SLC38A11: variants seen among roughly 807,000 people sequenced by gnomAD.
SLC38A11 encodes solute carrier family 38 member 11.
Under a neutral mutation model 49.4 loss-of-function variants are expected in SLC38A11, and 51 were observed. The observed-to-expected ratio is 1.03, with a 90% confidence interval of 0.83 to 1.30. The LOEUF (loss-of-function observed/expected upper bound fraction) is 1.30, where lower values mean the gene tolerates loss of function less well. SLC38A11 is among the 50% of genes most tolerant of loss of function. The pLI, the probability that SLC38A11 is intolerant of heterozygous loss-of-function variation, is 0.00. For missense variants in SLC38A11, 574 were observed against 556.2 expected (o/e 1.03, Z -0.32); for synonymous variants, 203 against 192.9 (o/e 1.05, Z -0.43).
chr2:164,902,242 A>G (rs1488767590), intron 11 of SLC38A11, among the ~76,000 whole-genome samples: 2 of 151,924 alleles, frequency 1.3e-5, no homozygotes, highest in Non-Finnish European at 2.9e-5. Context: ...GCTGGTCTCA[A>G]ACTCCTGAGC....
intron 11 of SLC38A11, among the ~76,000 whole-genome samples, chr2:164,900,036 A>T (rs1312916752): frequency 6.6e-6 from 1 of 152,114 alleles, no homozygotes; most frequent in Non-Finnish European, 1.5e-5. Context: ...TCCATATATA[A>T]GAGAGATCAT....
chr2:164,912,709 G>A (rs1310801881), intron 9 of SLC38A11, among the ~76,000 whole-genome samples: 3 of 151,912 alleles, frequency 2.0e-5, no homozygotes, highest in Non-Finnish European at 2.9e-5. Flanking sequence ...CTATGTCCCA[G>A]AAAGAACATT....
intron 2 of SLC38A11, chr2:164,953,165 G>C: frequency 5.2e-6 from 1 of 192,730 alleles, no homozygotes; most frequent in Non-Finnish European, 1.0e-5. Flanking sequence ...AAGCAGAGAG[G>C]ATAATAAGGA....
At chr2:164,942,070 A>C (rs1213726100) in intron 5 of SLC38A11, among the ~76,000 whole-genome samples, 1 of 152,192 alleles carries the variant, frequency 6.6e-6, no homozygotes, top group Non-Finnish European at 1.5e-5. Context: ...TGTGTTTTCT[A>C]ATATTTTTCA....
chr2:164,895,295 G>A lies in SLC38A11; in HGVS notation c.*3142C>T, dbSNP rs991114038. Among the ~76,000 whole-genome samples the A allele has an allele frequency of 9.9e-5, 15 of 152,090 alleles. No homozygotes were observed. Among genetic ancestry groups the A allele is most frequent in the African/African-American group, 2.7e-4 (11 of 41,418 alleles). ...AGAATAAGCATACATTCTTAAAAGCGCTTATTCTATTGAGGTAGCAAATTA... is the reference window on the plus strand; with the variant it reads ...AGAATAAGCATACATTCTTAAAAGCACTTATTCTATTGAGGTAGCAAATTA... On this transcript the variant is annotated 3_prime_UTR_variant, in exon 12 of 12. Transcript: ENST00000685975.
chr2:164,905,374 C>T (rs1256563048), intron 11 of SLC38A11, among the ~76,000 whole-genome samples: 4 of 152,166 alleles, frequency 2.6e-5, no homozygotes, highest in Admixed American at 1.3e-4. Flanking sequence ...TCAGGTGATC[C>T]GCCTGCTTTG....
In SLC38A11 at chr2:164,935,777, T is replaced by C. The variant is rs555320795; in HGVS notation, c.617+1573A>G. Among the ~76,000 whole-genome samples, 11 of 152,298 alleles carry C rather than the reference T, an allele frequency of 7.2e-5. No individual in the cohort carries two copies. In the East Asian group the frequency reaches 2.1e-3, roughly 29 times the overall value. ...TATATGTTGAAGCCTTAACTCTCAC[T>C]GTGCTGGCATTTGGAGTTGAGGCCT... On this transcript the variant is annotated intron_variant, in intron 7 of 11. Coordinates refer to ENST00000685975, the MANE Select transcript of SLC38A11 (RefSeq NM_001351537.2).
chr2:164,908,330 A>G (rs1685159852), intron 11 of SLC38A11, among the ~76,000 whole-genome samples: 1 of 152,074 alleles, frequency 6.6e-6, no homozygotes, highest in Admixed American at 6.6e-5. Context: ...TTTGGATCAG[A>G]TAATTTTTTG....
chr2:164,909,021 G>A (rs913691538), intron 10 of SLC38A11, among the ~76,000 whole-genome samples: 11 of 152,058 alleles, frequency 7.2e-5, no homozygotes, highest in Admixed American at 4.6e-4. Flanking sequence ...GTGGCATACC[G>A]ATGTTTCAAT....
At chr2:164,955,044 G>GAAAA (rs4001062) in intron 1 of SLC38A11, among the ~76,000 whole-genome samples, 165 bp downstream of exon 1, 44 of 144,808 alleles carry the variant, frequency 3.0e-4, no homozygotes, top group African/African-American at 1.1e-3. Flanking sequence ...TGCCTGCTAA[G>GAAAA]AAAAAAAAAA....
chr2:164,910,134 T>A (rs1685297541), intron 10 of SLC38A11, among the ~76,000 whole-genome samples: 1 of 151,974 alleles, frequency 6.6e-6, no homozygotes, highest in South Asian at 2.1e-4. Context: ...GAATGAAGAG[T>A]AAGAGAAGGG....
Position 164,944,634 on chromosome 2 carries a change from G to T in SLC38A11, c.365C>A (p.Ala122Glu). ...AGCTATTATATTGTAACTTATCATT[G>T]CTAAAAACATAATTAAAATAAGAGT... ...SVLQFLYPFIAMISYNIIAGD... is the reference protein window; with the variant it reads ...SVLQFLYPFIEMISYNIIAGD... Residue 122 changes from alanine to glutamate, a missense_variant and splice_region_variant, in exon 5 of 12, where the codon GCA becomes GAA. Transcript: ENST00000685975. The T allele has an allele frequency of 8.1e-7, 1 of 1,230,050 alleles. No homozygotes were observed. 76.2% of individuals were successfully genotyped at this position (1,230,050 alleles called of 1,614,324 possible). A position where few individuals can be genotyped will look rare whatever the true frequency, so the allele number is the denominator to read the frequency against.
At chr2:164,929,908 C>G (rs1339394144) in intron 7 of SLC38A11, among the ~76,000 whole-genome samples, 1 of 151,368 alleles carries the variant, frequency 6.6e-6, no homozygotes, top group Admixed American at 6.6e-5. Flanking sequence ...AAGAAATAAC[C>G]AAAATCAGAG....
At chr2:164,921,355 G>A (rs1229920178) in intron 7 of SLC38A11, among the ~76,000 whole-genome samples, 2 of 152,104 alleles carry the variant, frequency 1.3e-5, no homozygotes, top group African/African-American at 2.4e-5. Context: ...TTGTGAGACA[G>A]GGTCTCACTG....
rs1213388116 is a variant in SLC38A11 at position 164,896,282 on chromosome 2, A to G, written c.*2155T>C. The stretch of plus-strand genomic sequence containing the variant: ...AAGCAGTCTTGTTCTACAGCTGATT[A>G]AAAATAAATAAACCAATACATGTTT... On this transcript the variant is annotated 3_prime_UTR_variant, in exon 12 of 12. Coordinates refer to ENST00000685975, the MANE Select transcript of SLC38A11 (RefSeq NM_001351537.2). 1 of 148,734 alleles carries G rather than the reference A, an allele frequency of 6.7e-6. No individual in the cohort carries two copies. Among genetic ancestry groups the G allele is most frequent in the Non-Finnish European group, 1.5e-5 (1 of 66,706 alleles). 9.2% of individuals were successfully genotyped at this position (148,734 alleles called of 1,614,324 possible). A position where few individuals can be genotyped will look rare whatever the true frequency, so the allele number is the denominator to read the frequency against.
At chr2:164,911,455 C>T (rs565971507) in intron 10 of SLC38A11, among the ~76,000 whole-genome samples, 181 bp downstream of exon 10, 114 of 152,136 alleles carry the variant, frequency 7.5e-4, no homozygotes, top group Middle Eastern at 6.8e-3. Context: ...GTCTTGTAAA[C>T]ATCTGAATAT....
Position 164,937,465 on chromosome 2 carries a change from G to A in SLC38A11, c.538-36C>T, listed in dbSNP as rs752341268. The A allele has an allele frequency of 2.4e-6, 3 of 1,257,262 alleles. No individual in the cohort carries two copies. The East Asian group carries it at 7.0e-5, about 29-fold the overall frequency. 77.9% of individuals were successfully genotyped at this position (1,257,262 alleles called of 1,614,324 possible). A position where few individuals can be genotyped will look rare whatever the true frequency, so the allele number is the denominator to read the frequency against. On this transcript the variant is annotated intron_variant, in intron 6 of 11. Coordinates refer to ENST00000685975, the MANE Select transcript of SLC38A11 (RefSeq NM_001351537.2). ...AAATACAAGGATATTGCCGGTTTAG[G>A]ACAGAAATTATTTTATTTAAAATGT...
intron 5 of SLC38A11, among the ~76,000 whole-genome samples, chr2:164,941,741 G>A (rs988551261): frequency 6.6e-6 from 1 of 151,758 alleles, no homozygotes; most frequent in African/African-American, 2.4e-5. Flanking sequence ...AATTAATTAT[G>A]GTCACTCTAA....
intron 7 of SLC38A11, among the ~76,000 whole-genome samples, chr2:164,929,620 C>T (rs1021293241): frequency 5.9e-5 from 9 of 152,066 alleles, no homozygotes; most frequent in Admixed American, 2.6e-4. Flanking sequence ...AAAAGAGAGA[C>T]GATGTCTGAT....
Sources: gnomAD v4.1 joint callset for allele counts (sites outside exome capture counted in the v4.1 genomes callset) on GRCh38, gnomAD v4.1.1 for gene constraint, MANE v1.5 for transcripts, NCBI Gene and HGNC (gene_info 2026-07-23, HGNC 2026-07-21) for gene names.